The following AOPEP variants were observed in gnomAD, a reference collection of about 807,000 sequenced individuals.
AOPEP encodes aminopeptidase O.
Under a neutral mutation model 98.1 loss-of-function variants are expected in AOPEP, and 77 were observed. The observed-to-expected ratio is 0.78, with a 90% confidence interval of 0.65 to 0.95. AOPEP has a LOEUF of 0.95. Among genes scored for constraint, AOPEP ranks in the 40% least tolerant of loss-of-function variants. The pLI, the probability that AOPEP is intolerant of heterozygous loss-of-function variation, is 0.00. For missense variants in AOPEP, 1,024 were observed against 1,024.7 expected (o/e 1.00, Z 0.01); for synonymous variants, 346 against 365.3 (o/e 0.95, Z 0.60).
chr9:95,016,103 T>A (rs991533259), intron 13 of AOPEP, among the ~76,000 whole-genome samples: 8 of 151,584 alleles, frequency 5.3e-5, no homozygotes, highest in Non-Finnish European at 1.0e-4. Context: ...TTACTCTCAC[T>A]CTTTTTTCCT....
chr9:94,787,155 C>T (rs924606066), intron 3 of AOPEP, among the ~76,000 whole-genome samples: 1 of 152,170 alleles, frequency 6.6e-6, no homozygotes, highest in African/African-American at 2.4e-5. Context: ...TTATTGGACT[C>T]ACCTCAGGTT....
At chr9:94,807,412 C>G (rs957478756) in intron 5 of AOPEP, among the ~76,000 whole-genome samples, 1 of 152,184 alleles carries the variant, frequency 6.6e-6, no homozygotes, top group East Asian at 1.9e-4. Flanking sequence ...GGCCATCCTT[C>G]AAGAGAAATT....
chr9:94,760,741 C>T, intron 2 of AOPEP, 161 bp downstream of exon 2: 1 of 529,848 alleles, frequency 1.9e-6, no homozygotes, highest in Non-Finnish European at 3.2e-6. Flanking sequence ...CAGGTAAATT[C>T]CCAGGCATGC....
chr9:95,119,360 CTTTTCTTTTT>C, the AOPEP span, among the ~76,000 whole-genome samples: 3 of 100,474 alleles, frequency 3.0e-5, no homozygotes, highest in Non-Finnish European at 5.6e-5. Flanking sequence ...TTCTTTCTTC[CTTTTCTTTTT>C]TTTTTTTTTT....
the AOPEP span, chr9:95,114,255 C>G: frequency 2.9e-6 from 1 of 346,358 alleles, no homozygotes; most frequent in Non-Finnish European, 5.6e-6. Flanking sequence ...CCACAGGACC[C>G]AAACAAGTGC....
At chr9:95,078,532 C>T (rs979624858) in intron 14 of AOPEP, among the ~76,000 whole-genome samples, 3 of 152,218 alleles carry the variant, frequency 2.0e-5, no homozygotes, top group South Asian at 2.1e-4. Context: ...ACGCACGGGA[C>T]CCTCCCTAAA....
the AOPEP span, among the ~76,000 whole-genome samples, chr9:95,146,315 C>T: frequency 1.7e-4 from 25 of 151,204 alleles, no homozygotes; most frequent in Admixed American, 6.6e-5. Flanking sequence ...GGTGAAATGC[C>T]GTCTCTACCG....
chr9:94,851,990 T>C (rs1294289541), intron 5 of AOPEP, among the ~76,000 whole-genome samples: 2 of 151,880 alleles, frequency 1.3e-5, no homozygotes, highest in African/African-American at 4.8e-5. Flanking sequence ...CAAAGACCGT[T>C]TGACAACTGT....
the AOPEP span, among the ~76,000 whole-genome samples, chr9:95,105,701 C>A: frequency 1.3e-5 from 2 of 152,222 alleles, no homozygotes; most frequent in Non-Finnish European, 2.9e-5. Flanking sequence ...GGACTTGACT[C>A]TTCCAGGTGC....
the AOPEP span, among the ~76,000 whole-genome samples, chr9:95,128,157 A>G: frequency 6.6e-6 from 1 of 152,220 alleles, no homozygotes; most frequent in African/African-American, 2.4e-5. Context: ...TGTAAATAAT[A>G]AAAGTTATTA....
At chr9:95,085,442 A>T in intron 16 of AOPEP, 1 of 532,922 alleles carries the variant, frequency 1.9e-6, no homozygotes. Context: ...ATGCCCAGCG[A>T]TGACCTCTCT....
downstream of AOPEP, among the ~76,000 whole-genome samples, chr9:95,092,079 T>C (rs1304903155): frequency 7.9e-4 from 103 of 131,130 alleles, no homozygotes; most frequent in Middle Eastern, 0.012. Flanking sequence ...TGTGTGTGTG[T>C]GTGCACACAC....
chr9:94,985,171 G>A (rs949162587), intron 11 of AOPEP, among the ~76,000 whole-genome samples: 2 of 152,264 alleles, frequency 1.3e-5, no homozygotes, highest in African/African-American at 4.8e-5. Context: ...GATGGGAAAT[G>A]AGCCGACAAT....
At chr9:94,772,173 A>G (rs889869523) in intron 2 of AOPEP, among the ~76,000 whole-genome samples, 2 of 152,218 alleles carry the variant, frequency 1.3e-5, no homozygotes, top group South Asian at 2.1e-4. Context: ...GAAAAACAGA[A>G]AGTAGAAACA....
At chr9:94,839,681 A>T (rs888066378) in intron 5 of AOPEP, among the ~76,000 whole-genome samples, 1 of 152,126 alleles carries the variant, frequency 6.6e-6, no homozygotes, top group African/African-American at 2.4e-5. Flanking sequence ...TCTAATCTAT[A>T]TGACTTTTTC....
At chr9:94,751,631 T>G (rs1454669723) in intron 1 of AOPEP, among the ~76,000 whole-genome samples, 1 of 152,172 alleles carries the variant, frequency 6.6e-6, no homozygotes, top group East Asian at 1.9e-4. Flanking sequence ...TTGCACATAT[T>G]GTTAACCTCT....
At chr9:94,931,824 C>G (rs1588952880) in intron 7 of AOPEP, 5 of 1,534,328 alleles carry the variant, frequency 3.3e-6, no homozygotes, top group Non-Finnish European at 4.4e-6. Flanking sequence ...AAAGCACTTT[C>G]TCCTCCTGGC....
intron 14 of AOPEP, among the ~76,000 whole-genome samples, chr9:95,062,994 C>T (rs776374771): frequency 2.0e-5 from 3 of 152,158 alleles, no homozygotes; most frequent in Non-Finnish European, 4.4e-5. Flanking sequence ...CTCTGCAGGG[C>T]GGGCACAGGC....
intron 5 of AOPEP, chr9:94,904,172 C>A (rs1671344171): frequency 6.6e-6 from 1 of 152,098 alleles, no homozygotes; most frequent in South Asian, 2.1e-4. Context: ...ATGAAATCAA[C>A]CAATCTGAGG....
Sources: allele counts gnomAD v4.1 joint callset (sites outside exome capture counted in the v4.1 genomes callset), GRCh38; gene constraint gnomAD v4.1.1; transcripts MANE v1.5; gene names NCBI Gene and HGNC (gene_info 2026-07-23, HGNC 2026-07-21).